The following CUBN variants were observed in gnomAD, a reference collection of about 807,000 sequenced individuals.
CUBN encodes the protein 460 kDa receptor.
In CUBN, 282 loss-of-function variants were observed where a neutral mutation model predicts 405.3. The observed-to-expected ratio is 0.70, with a 90% confidence interval of 0.63 to 0.77. The LOEUF (loss-of-function observed/expected upper bound fraction) is 0.77, where lower values mean the gene tolerates loss of function less well. Among genes scored for constraint, CUBN ranks in the 30% least tolerant of loss-of-function variants. The pLI is 0.00. For synonymous variants in CUBN, 1,684 were observed against 1,617.0 expected (o/e 1.04, Z -0.99); for missense variants, 4,514 against 4,475.2 (o/e 1.01, Z -0.25).
Position 17,088,340 on chromosome 10 carries a change from C to T in CUBN, c.1771G>A (p.Gly591Arg), listed in dbSNP as rs144548751. The change falls in exon 15 of 67, where the codon GGA becomes AGA. Residue 591 changes from glycine to arginine, a missense_variant. This residue lies in a region of CUBN where 1,448 missense variants were observed against 1,388.0 expected (regional missense o/e 1.04). Coordinates refer to ENST00000377833, the MANE Select transcript of CUBN (RefSeq NM_001081.4). ...CCGTAAGGACCAGTCAGGATACCTCCACACTCTAAAATAAGAGGGAAAAAT... is the reference window on the plus strand; with the variant it reads ...CCGTAAGGACCAGTCAGGATACCTCTACACTCTAAAATAAGAGGGAAAAAT... ...VRWETQQPEC[G>R]GILTGPYGSI... 68 of 1,608,982 alleles carry T rather than the reference C, an allele frequency of 4.2e-5. 1 individual carries two copies. The African/African-American group carries it at 8.7e-4, about 21-fold the overall frequency.
chr10:16,825,509 A>T (rs991636757), intron 66 of CUBN, among the ~76,000 whole-genome samples: 9 of 152,118 alleles, frequency 5.9e-5, no homozygotes, highest in African/African-American at 1.7e-4. Context: ...TGCAAATTTA[A>T]TTTTTCTGAA....
intron 22 of CUBN, among the ~76,000 whole-genome samples, chr10:17,049,917 G>T (rs1026769187): frequency 2.0e-5 from 3 of 152,014 alleles, no homozygotes. Context: ...CTAAACCTTG[G>T]GATATGACTA....
intron 28 of CUBN, among the ~76,000 whole-genome samples, chr10:17,006,257 G>C (rs558487802): frequency 1.3e-5 from 2 of 152,292 alleles, no homozygotes; most frequent in Non-Finnish European, 2.9e-5. Flanking sequence ...ATATCTGCTG[G>C]CAGAGGTTAT....
At chr10:16,938,527 G>A (rs1288705534) in intron 38 of CUBN, among the ~76,000 whole-genome samples, 3 of 152,140 alleles carry the variant, frequency 2.0e-5, no homozygotes, top group Non-Finnish European at 2.9e-5. Flanking sequence ...GTCATAGCCT[G>A]TAAGCATCCG....
intron 29 of CUBN, among the ~76,000 whole-genome samples, chr10:16,986,622 C>T (rs1588553096): frequency 1.3e-5 from 2 of 152,122 alleles, no homozygotes; most frequent in Non-Finnish European, 2.9e-5. Flanking sequence ...CCCCCCAAGT[C>T]CCATCAAAAG....
chr10:16,891,958 A>G (rs753650243), intron 54 of CUBN, among the ~76,000 whole-genome samples: 27 of 152,332 alleles, frequency 1.8e-4, no homozygotes, highest in Admixed American at 1.4e-3. Context: ...TTGGATGTGT[A>G]TTAATCTTAC....
chr10:17,001,620 C>T (rs770939049), intron 28 of CUBN, among the ~76,000 whole-genome samples: 1 of 152,186 alleles, frequency 6.6e-6, no homozygotes, highest in Non-Finnish European at 1.5e-5. Context: ...CATGTTGAGT[C>T]ATGTTTTAAA....
chr10:17,030,586 T>G (rs1564487543), intron 27 of CUBN, among the ~76,000 whole-genome samples: 1 of 152,158 alleles, frequency 6.6e-6, no homozygotes. Flanking sequence ...TGAAGAAGAA[T>G]TTTTCCTATT....
chr10:17,036,542 T>C (rs1003915185), intron 27 of CUBN, among the ~76,000 whole-genome samples: 1 of 152,020 alleles, frequency 6.6e-6, no homozygotes, highest in Non-Finnish European at 1.5e-5. Context: ...GTGGCTCAGA[T>C]TGTGTTTCGG....
At position 17,040,649 on chromosome 10, in the gene CUBN, C is replaced by G. The variant is rs545167567; in HGVS notation, c.4017+384G>C. Among the ~76,000 whole-genome samples, 169 of 151,960 alleles carry G rather than the reference C, an allele frequency of 1.1e-3. 1 individual carries two copies. The highest frequency in any genetic ancestry group is 4.0e-3 in the African/African-American group (166 of 41,456). ...TAAAAATAAAAACAACAATTAAAAC[C>G]ATGATACCTCATACTAGAAAAATGA... is the stretch of plus-strand genomic sequence containing the variant. On this transcript the variant is annotated intron_variant, in intron 27 of 66. Coordinates refer to ENST00000377833, the MANE Select transcript of CUBN (RefSeq NM_001081.4).
intron 28 of CUBN, among the ~76,000 whole-genome samples, chr10:17,007,592 A>C (rs1206646389): frequency 6.7e-6 from 1 of 150,278 alleles, no homozygotes; most frequent in Non-Finnish European, 1.5e-5. Flanking sequence ...GTGTTTGGAG[A>C]TCGTACTGCA....
intron 56 of CUBN, among the ~76,000 whole-genome samples, chr10:16,879,304 C>A (rs1400123122): frequency 1.3e-5 from 2 of 152,134 alleles, no homozygotes; most frequent in Admixed American, 1.3e-4. Context: ...ATTTTAATTG[C>A]TCTGATGATT....
intron 2 of CUBN, 56 bp downstream of exon 2, chr10:17,129,065 T>C: frequency 7.0e-7 from 1 of 1,436,788 alleles, no homozygotes; most frequent in Non-Finnish European, 9.8e-7. Flanking sequence ...ACTTGTTCAA[T>C]TAAGTCACCG....
At chr10:17,006,213 T>C (rs1834020980) in intron 28 of CUBN, among the ~76,000 whole-genome samples, 1 of 152,192 alleles carries the variant, frequency 6.6e-6, no homozygotes, top group Non-Finnish European at 1.5e-5. Context: ...TGCTGGATGG[T>C]TGGTTGAATG....
chr10:16,917,339 C>T (rs1841911139), intron 45 of CUBN, among the ~76,000 whole-genome samples: 1 of 152,024 alleles, frequency 6.6e-6, no homozygotes, highest in South Asian at 2.1e-4. Context: ...TCAGATAGTA[C>T]CAAACCCTAT....
At chr10:16,849,058 A>G (rs143748938) in intron 60 of CUBN, among the ~76,000 whole-genome samples, 1 of 152,150 alleles carries the variant, frequency 6.6e-6, no homozygotes, top group Non-Finnish European at 1.5e-5. Context: ...ATTCCTTGCT[A>G]TCTTTAGTCT....
intron 17 of CUBN, among the ~76,000 whole-genome samples, chr10:17,078,214 A>G (rs1835892471): frequency 6.6e-6 from 1 of 152,180 alleles, no homozygotes; most frequent in South Asian, 2.1e-4. Context: ...ATCTCGGTCT[A>G]CAAGACCCTT....
chr10:17,105,479 G>A lies in CUBN; in HGVS notation c.1208C>T (p.Pro403Leu). The A allele has an allele frequency of 2.5e-6, 4 of 1,601,970 alleles. No homozygotes were observed. Among genetic ancestry groups the A allele is most frequent in the Non-Finnish European group, 2.6e-6 (3 of 1,168,670 alleles). Residue 403 changes from proline (P) to leucine (L), a missense_variant, in exon 11 of 67, where the codon CCC (proline) becomes CTC (leucine). Around this residue, in one of 5 missense-constraint regions of CUBN, gnomAD observed 1,448 missense variants for 1,388.0 expected, o/e 1.04. Transcript: ENST00000377833. ...VQLSNICLSHPCLNGQCIDTV... is the reference protein window; with the variant it reads ...VQLSNICLSHLCLNGQCIDTV... ...CACGATGCATTGTCCATTTAGACAGGGGTGACTTAGGCAAATATTACTGAG... is the reference window on the plus strand; with the variant it reads ...CACGATGCATTGTCCATTTAGACAGAGGTGACTTAGGCAAATATTACTGAG...
intron 54 of CUBN, among the ~76,000 whole-genome samples, chr10:16,891,666 A>C (rs895079659): frequency 6.6e-6 from 1 of 152,178 alleles, no homozygotes; most frequent in African/African-American, 2.4e-5. Flanking sequence ...ATGCTGAGTC[A>C]CTCAAGGAAA....
Sources: gnomAD v4.1 joint callset for allele counts (sites outside exome capture counted in the v4.1 genomes callset) on GRCh38, gnomAD v4.1.1 for gene constraint, gnomAD v4.1.1 regional missense constraint, MANE v1.5 for transcripts, NCBI Gene and HGNC (gene_info 2026-07-23, HGNC 2026-07-21) for gene names.